Variants in RBMS3 observed in about 807,000 individuals in gnomAD.
RBMS3 encodes RNA binding motif single stranded interacting protein 3, also known as RNA-binding motif, single-stranded-interacting protein 3.
A neutral mutation model predicts 66.8 loss-of-function variants in RBMS3; 27 were observed. The observed-to-expected ratio is 0.40, with a 90% CI of 0.30 to 0.56. The LOEUF (loss-of-function observed/expected upper bound fraction) is 0.56. Among genes scored for constraint, RBMS3 ranks in the 20% least tolerant of loss-of-function variants. The pLI is 0.40. For synonymous variants in RBMS3, 188 were observed against 183.0 expected, an observed-to-expected ratio of 1.03 and a Z score of -0.22; for missense variants, 513 against 549.5, an observed-to-expected ratio of 0.93 and a Z score of 0.66.
At chr3:29,955,988 G>T (rs1307992132) in intron 12 of RBMS3, among the ~76,000 whole-genome samples, 1 of 152,012 alleles carries the variant, frequency 6.6e-6, no homozygotes, top group East Asian at 1.9e-4. Flanking sequence ...AAGCAAGGTG[G>T]ACTATAATTA....
intron 7 of RBMS3, chr3:29,880,668 C>T (rs2059715423): frequency 4.3e-6 from 4 of 934,912 alleles, no homozygotes; most frequent in Non-Finnish European, 6.6e-6. Flanking sequence ...TATATTCAGC[C>T]AATGGGTTAA....
At chr3:29,517,326 T>TTTG (rs1553614663) in intron 3 of RBMS3, among the ~76,000 whole-genome samples, 42 of 134,532 alleles carry the variant, frequency 3.1e-4, no homozygotes, top group Admixed American at 1.0e-3. Context: ...TATATTTTTT[T>TTTG]TTTGTTTTTT....
intron 3 of RBMS3, among the ~76,000 whole-genome samples, chr3:29,492,442 G>T (rs954296768): frequency 1.3e-5 from 2 of 152,138 alleles, no homozygotes; most frequent in African/African-American, 4.8e-5. Context: ...TGATAAGAAC[G>T]AGTATTGAAA....
chr3:29,607,398 A>G (rs2048349619), intron 4 of RBMS3, among the ~76,000 whole-genome samples: 1 of 151,964 alleles, frequency 6.6e-6, no homozygotes, highest in South Asian at 2.1e-4. Context: ...TCTCAAATGG[A>G]GCCTTCCAGC....
intron 3 of RBMS3, among the ~76,000 whole-genome samples, chr3:29,500,756 C>A (rs1399608285): frequency 6.6e-6 from 1 of 151,918 alleles, no homozygotes; most frequent in African/African-American, 2.4e-5. Context: ...AATGAAATCA[C>A]CTAAGGACAC....
chr3:29,671,384 A>C, intron 4 of RBMS3, among the ~76,000 whole-genome samples: 1 of 152,232 alleles, frequency 6.6e-6, no homozygotes, highest in Non-Finnish European at 1.5e-5. Flanking sequence ...CCTCCAAACG[A>C]ACACAGCTCC....
At chr3:29,761,402 A>G (rs960053999) in intron 5 of RBMS3, among the ~76,000 whole-genome samples, 2 of 152,022 alleles carry the variant, frequency 1.3e-5, no homozygotes, top group African/African-American at 2.4e-5. Context: ...CTCTCAGTTA[A>G]TTTTTAAGAA....
At position 29,306,259 on chromosome 3, in the gene RBMS3, G is replaced by T. The variant is rs192476174; in HGVS notation, c.75+24503G>T. On this transcript the variant is annotated intron_variant, in intron 1 of 14. Transcript: ENST00000383767. ...AAAGGGTAAGGCACCTGGACCCAAG[G>T]TGGACTCTTGACTCAATCTAGGAAT... Among the ~76,000 whole-genome samples the T allele has an allele frequency of 1.1e-4, 17 of 152,020 alleles. No homozygotes were observed. In the East Asian group the frequency reaches 1.8e-3, roughly 16 times the overall value.
At chr3:29,562,387 C>T (rs749726012) in intron 3 of RBMS3, among the ~76,000 whole-genome samples, 2 of 151,980 alleles carry the variant, frequency 1.3e-5, no homozygotes, top group East Asian at 3.9e-4. Context: ...TTTGAAAGTA[C>T]GTTTCAGAGA....
At chr3:29,494,089 A>T (rs2043649750) in intron 3 of RBMS3, among the ~76,000 whole-genome samples, 3 of 152,216 alleles carry the variant, frequency 2.0e-5, no homozygotes, top group Non-Finnish European at 4.4e-5. Context: ...TCAATTCTTC[A>T]TTAGCTGTTA....
rs186150183 is a variant in RBMS3, at chr3:29,601,436, T to C, written c.399+14231T>C. Among the ~76,000 whole-genome samples, 361 of 152,132 alleles carry C rather than the reference T, an allele frequency of 2.4e-3. 4 individuals carry two copies. Among genetic ancestry groups the C allele is most frequent in the African/African-American group, 8.1e-3 (336 of 41,540 alleles). On this transcript the variant is annotated intron_variant, in intron 4 of 14. Coordinates refer to ENST00000383767, the MANE Select transcript of RBMS3 (RefSeq NM_001003793.3). ...CTAAGATAATGAATAACATTACTTA[T>C]AAAGGTTTGAAACTTTTCAAATGGT...
intron 1 of RBMS3, among the ~76,000 whole-genome samples, chr3:29,359,776 A>T (rs1488126524): frequency 2.6e-5 from 4 of 152,002 alleles, no homozygotes; most frequent in Admixed American, 6.6e-5. Flanking sequence ...TAGTCTTGGG[A>T]GGGTGTATGT....
At chr3:29,429,110 G>A (rs751015230) in intron 1 of RBMS3, among the ~76,000 whole-genome samples, 2 of 152,144 alleles carry the variant, frequency 1.3e-5, no homozygotes, top group African/African-American at 2.4e-5. Context: ...GGCTTCTGGA[G>A]TCAGAGTCCC....
intron 4 of RBMS3, among the ~76,000 whole-genome samples, chr3:29,603,118 C>T (rs1485227012): frequency 2.6e-5 from 4 of 151,928 alleles, no homozygotes; most frequent in Admixed American, 6.6e-5. Context: ...GTTACCACTC[C>T]CACTGTATAT....
rs776192379 is a variant in RBMS3, at chr3:29,618,506, C to G, written c.399+31301C>G. ...TGGCAACAGAGCAAAAACTCTATCT[C>G]AAAAAAAGAAAGAAAAAAAAAATAG... On this transcript the variant is annotated intron_variant, in intron 4 of 14. Coordinates refer to ENST00000383767, the MANE Select transcript of RBMS3 (RefSeq NM_001003793.3). Among the ~76,000 whole-genome samples, 197 of 150,200 alleles carry G rather than the reference C, an allele frequency of 1.3e-3. 1 individual carries two copies. Among genetic ancestry groups the G allele is most frequent in the Non-Finnish European group, 2.2e-3 (147 of 67,718 alleles).
At chr3:29,338,448 G>C (rs1266829512) in intron 1 of RBMS3, among the ~76,000 whole-genome samples, 3 of 152,168 alleles carry the variant, frequency 2.0e-5, no homozygotes, top group Non-Finnish European at 2.9e-5. Flanking sequence ...TAGAATAGTA[G>C]TTCTCAAAGT....
chr3:29,483,201 C>T (rs2043200770), intron 2 of RBMS3, among the ~76,000 whole-genome samples: 1 of 149,172 alleles, frequency 6.7e-6, no homozygotes, highest in African/African-American at 2.5e-5. Flanking sequence ...CCCAGCTACT[C>T]GGGAGGCTGA....
At chr3:29,826,806 A>G (rs999381184) in intron 6 of RBMS3, among the ~76,000 whole-genome samples, 2 of 152,106 alleles carry the variant, frequency 1.3e-5, no homozygotes, top group South Asian at 2.1e-4. Context: ...TGAGTGTGCA[A>G]TCCTTTCACT....
intron 4 of RBMS3, among the ~76,000 whole-genome samples, chr3:29,672,488 T>C (rs112601600): frequency 0.021 from 3,241 of 152,232 alleles, 79 homozygotes; most frequent in East Asian, 0.12. Context: ...AGACACAGAC[T>C]TGCAAATTGG....
Sources: gnomAD v4.1 joint callset for allele counts (sites outside exome capture counted in the v4.1 genomes callset) on GRCh38, gnomAD v4.1.1 for gene constraint, MANE v1.5 for transcripts, NCBI Gene and HGNC (gene_info 2026-07-23, HGNC 2026-07-21) for gene names.